The following SOX6 variants were observed in gnomAD, a reference collection of about 807,000 sequenced individuals.
SOX6 encodes transcription factor SOX-6.
Under a neutral mutation model 97.8 loss-of-function variants are expected in SOX6, and 11 were observed. The observed-to-expected ratio is 0.11, with a 90% CI of 0.07 to 0.19. The LOEUF is 0.19. SOX6 is among the 10% of genes least tolerant of loss of function. The pLI, the probability that SOX6 is intolerant of heterozygous loss-of-function variation, is 1.00. For missense variants in SOX6, 810 were observed against 1,039.5 expected (o/e 0.78, Z 3.04); for synonymous variants, 360 against 371.4 (o/e 0.97, Z 0.35).
At chr11:16,228,412 A>C (rs1297150737) in intron 4 of SOX6, among the ~76,000 whole-genome samples, 3 of 152,176 alleles carry the variant, frequency 2.0e-5, no homozygotes, top group African/African-American at 2.4e-5. Context: ...TATCCTCAGT[A>C]ATGCTAGAAA....
At chr11:16,452,847 A>G (rs200463982) in intron 1 of SOX6, among the ~76,000 whole-genome samples, 1 of 152,296 alleles carries the variant, frequency 6.6e-6, no homozygotes, top group East Asian at 1.9e-4. Flanking sequence ...ATAAAAATGG[A>G]GAATATGGCT....
intron 9 of SOX6, among the ~76,000 whole-genome samples, chr11:16,062,181 T>G (rs1399084784): frequency 6.6e-6 from 1 of 151,596 alleles, no homozygotes; most frequent in Non-Finnish European, 1.5e-5. Context: ...GAGCCATAAC[T>G]AATGAGTAGT....
intron 4 of SOX6, among the ~76,000 whole-genome samples, chr11:16,611,212 G>C (rs892075388): frequency 6.6e-6 from 1 of 152,226 alleles, no homozygotes; most frequent in Non-Finnish European, 1.5e-5. Flanking sequence ...AACTTGGGAA[G>C]GACAAGGCAA....
At chr11:16,716,514 G>A (rs190828356) in intron 2 of SOX6, among the ~76,000 whole-genome samples, 1 of 152,120 alleles carries the variant, frequency 6.6e-6, no homozygotes. Context: ...AAATTTTATG[G>A]TCTGAGCATA....
chr11:16,301,447 G>A lies in SOX6; in HGVS notation c.445+16999C>T, dbSNP rs535306310. On this transcript the variant is annotated intron_variant, in intron 3 of 15. Transcript: ENST00000683767. ...AATTGTTGGTGTGCATCTGAAATACGTGGAGAGATTGCTAAAACACAGGTT... is the reference window on the plus strand; with the variant it reads ...AATTGTTGGTGTGCATCTGAAATACATGGAGAGATTGCTAAAACACAGGTT... Among the ~76,000 whole-genome samples, 38 of 152,228 alleles carry A rather than the reference G, an allele frequency of 2.5e-4. No homozygotes were observed. In the South Asian group the frequency reaches 5.8e-3, roughly 23 times the overall value.
At chr11:16,687,047 C>G (rs1300873299) in intron 3 of SOX6, among the ~76,000 whole-genome samples, 1 of 152,100 alleles carries the variant, frequency 6.6e-6, no homozygotes, top group Non-Finnish European at 1.5e-5. Context: ...ATCACTTGAA[C>G]GTGAGAGGCA....
At chr11:16,646,567 C>T (rs1219416285) in intron 3 of SOX6, among the ~76,000 whole-genome samples, 1 of 151,414 alleles carries the variant, frequency 6.6e-6, no homozygotes, top group Non-Finnish European at 1.5e-5. Context: ...TCTGGTGTAC[C>T]CATCATCTGA....
intron 1 of SOX6, among the ~76,000 whole-genome samples, chr11:16,384,919 C>G (rs1192922517): frequency 6.6e-6 from 1 of 152,154 alleles, no homozygotes; most frequent in Non-Finnish European, 1.5e-5. Flanking sequence ...GAGAGCTATA[C>G]AGCAGATCCT....
At chr11:16,304,662 A>G (rs1855368760) in intron 3 of SOX6, among the ~76,000 whole-genome samples, 1 of 152,194 alleles carries the variant, frequency 6.6e-6, no homozygotes, top group East Asian at 1.9e-4. Flanking sequence ...AGAAATGTGA[A>G]TGATTTTTAA....
intron 3 of SOX6, among the ~76,000 whole-genome samples, chr11:16,706,264 C>A (rs370223619): frequency 6.7e-6 from 1 of 149,164 alleles, no homozygotes; most frequent in African/African-American, 2.5e-5. Flanking sequence ...ACAAAGGAGA[C>A]CCCATTTCTA....
intron 4 of SOX6, among the ~76,000 whole-genome samples, chr11:16,497,023 A>C (rs1053175633): frequency 6.6e-6 from 1 of 152,166 alleles, no homozygotes; most frequent in Non-Finnish European, 1.5e-5. Flanking sequence ...CTGCCTCCTA[A>C]ACTGGGTCTC....
chr11:16,560,913 T>C (rs1014082626), intron 4 of SOX6, among the ~76,000 whole-genome samples: 2 of 152,100 alleles, frequency 1.3e-5, no homozygotes, highest in Admixed American at 1.3e-4. Flanking sequence ...TAAGGTGTGG[T>C]AAGCTATGAG....
At chr11:16,438,002 T>C (rs911504475) in intron 1 of SOX6, among the ~76,000 whole-genome samples, 5 of 152,142 alleles carry the variant, frequency 3.3e-5, no homozygotes, top group Non-Finnish European at 7.4e-5. Flanking sequence ...TGGATAAGCC[T>C]GTATAATGAG....
At chr11:16,643,084 G>A (rs933770200) in intron 3 of SOX6, among the ~76,000 whole-genome samples, 6 of 152,166 alleles carry the variant, frequency 3.9e-5, no homozygotes, top group Admixed American at 1.3e-4. Flanking sequence ...ACGTACAGAT[G>A]GGGTTTTGGT....
intron 6 of SOX6, among the ~76,000 whole-genome samples, chr11:16,182,151 G>A (rs1455110): frequency 0.98 from 148,842 of 151,964 alleles, 72,966 homozygotes; most frequent in East Asian, 1. Flanking sequence ...TTTGGTTGCT[G>A]TTCACCTGGA....
chr11:16,261,698 C>T (rs1443951960), intron 3 of SOX6, among the ~76,000 whole-genome samples: 1 of 151,710 alleles, frequency 6.6e-6, no homozygotes, highest in Non-Finnish European at 1.5e-5. Context: ...CTAGGTCAGA[C>T]CATTAGTCTT....
At chr11:16,666,487 G>A (rs1412385248) in intron 3 of SOX6, among the ~76,000 whole-genome samples, 1 of 152,178 alleles carries the variant, frequency 6.6e-6, no homozygotes, top group Non-Finnish European at 1.5e-5. Context: ...GAAAGAATTA[G>A]TGAGCTTGAA....
chr11:16,103,421 GA>G (rs1440564666), intron 7 of SOX6, among the ~76,000 whole-genome samples: 1 of 151,652 alleles, frequency 6.6e-6, no homozygotes, highest in Non-Finnish European at 1.5e-5. Flanking sequence ...ACACTGTTGG[GA>G]ATGTAAACTA....
intron 6 of SOX6, among the ~76,000 whole-genome samples, chr11:16,129,658 A>G (rs2134017628): frequency 6.6e-6 from 1 of 152,298 alleles, no homozygotes; most frequent in East Asian, 1.9e-4. Context: ...AAAATCAATC[A>G]ATATAATTCA....
Sources: allele counts gnomAD v4.1 joint callset (sites outside exome capture counted in the v4.1 genomes callset), GRCh38; gene constraint gnomAD v4.1.1; transcripts MANE v1.5; gene names NCBI Gene and HGNC (gene_info 2026-07-23, HGNC 2026-07-21).